Variants in INHBA observed in about 807,000 individuals in gnomAD.
The protein encoded by INHBA is inhibin subunit beta A.
INHBA carries 1 observed loss-of-function variant against 29.0 expected under a neutral mutation model. That is an observed-to-expected ratio of 0.03 (90% CI 0.01 to 0.16). The LOEUF (loss-of-function observed/expected upper bound fraction) is 0.16. Ranked by LOEUF, INHBA falls within the 10% of genes least tolerant of loss-of-function variation. The pLI is 1.00. For missense variants in INHBA, 376 were observed against 545.4 expected (o/e 0.69, Z 3.09); for synonymous variants, 242 against 216.8 (o/e 1.12, Z -1.02).
chr7:41,695,754 A>T (rs1794633296), intron 2 of INHBA, among the ~76,000 whole-genome samples: 1 of 152,174 alleles, frequency 6.6e-6, no homozygotes, highest in Non-Finnish European at 1.5e-5. Flanking sequence ...TTAACCCACA[A>T]AATTTCAGAG....
In INHBA at chr7:41,700,463, T is replaced by A; in HGVS notation, c.-89A>T. On this transcript the variant is annotated 5_prime_UTR_variant, in exon 2 of 3. Transcript: ENST00000242208. ...CGCAGGTTTTTTTGTGTGTGTGGAT[T>A]TTTTTATTTTTTTTTTTGGTGTTTT... 8.1e-7 allele frequency: 1 copy of A among 1,237,576 alleles called. No homozygotes were observed. Among genetic ancestry groups the A allele is most frequent in the South Asian group, 2.3e-5 (1 of 43,882 alleles). The allele number at this position is 1,237,576 out of a possible 1,614,324, so 76.7% of individuals were successfully genotyped here. A position where few individuals can be genotyped will look rare whatever the true frequency, so the allele number is the denominator to read the frequency against.
rs778816816 is a variant in INHBA at position 41,690,225 on chromosome 7, T to C, written c.706A>G (p.Ser236Gly). Residue 236 changes from serine to glycine, a missense_variant, in exon 3 of 3, where the codon AGC (serine) becomes GGC (glycine). Coordinates refer to ENST00000242208, the MANE Select transcript of INHBA (RefSeq NM_002192.4). ...CAGGCAATCCGAACGTCCAGGGAGC[T>C]CTTGCCCTGGTCCAGCAACCGCTGG... ...SIQRLLDQGK[S>G]SLDVRIACEQ... The C allele has an allele frequency of 2.5e-6, 4 of 1,613,916 alleles. No homozygotes were observed. In the South Asian group the frequency reaches 4.4e-5, roughly 18 times the overall value.
chr7:41,701,535 A>G (rs941356805), intron 1 of INHBA, among the ~76,000 whole-genome samples: 1 of 152,162 alleles, frequency 6.6e-6, no homozygotes, highest in Non-Finnish European at 1.5e-5. Context: ...GAAGGACCAG[A>G]GGGCAGGCAG....
chr7:41,700,317 T>C lies in INHBA; in HGVS notation c.58A>G (p.Ser20Gly). ...LLASCWIIVR[S>G]SPTPGSEGHS... ...CCCTCGGATCCTGGGGTGGGGGAAC[T>C]CCTCACTATAATCCAGCAACTTGCC... The change falls in exon 2 of 3, where the codon AGT becomes GGT. Residue 20 changes from serine (S) to glycine (G), a missense_variant. Ser to Gly is a moderately conservative substitution (Grantham distance 56, BLOSUM62 0). Transcript: ENST00000242208. The C allele has an allele frequency of 3.2e-6, 5 of 1,553,262 alleles. No individual in the cohort carries two copies. The highest frequency in any genetic ancestry group is 4.3e-6 in the Non-Finnish European group (5 of 1,149,770).
chr7:41,700,231 G>A lies in INHBA; in HGVS notation c.144C>T (p.Pro48=), dbSNP rs1274953889. 4 of 1,613,522 alleles carry A rather than the reference G, an allele frequency of 2.5e-6. No individual in the cohort carries two copies. Among genetic ancestry groups the A allele is most frequent in the Non-Finnish European group, 3.4e-6 (4 of 1,179,632 alleles). ...CALAALPKDV[P]NSQPEMVEAV... ...CCTCCACCATCTCTGGCTGAGAGTT[G>A]GGTACATCCTTTGGGAGGGCGGCCA... Residue 48 remains proline, a synonymous_variant, in exon 2 of 3, where the codon CCC becomes CCT. Transcript: ENST00000242208.
rs771243597 is a variant in INHBA, at chr7:41,689,944, A to G, written c.987T>C (p.Ser329=). ...AGTCATTCCAGCCGATGTCCTTGAA[A>G]CTGACAAAGAACTGTTTCTTACAGC... ...NICCKKQFFV[S]FKDIGWNDWI... Residue 329 remains serine, a synonymous_variant, in exon 3 of 3, where the codon AGT becomes AGC. Transcript: ENST00000242208. 4.3e-6 allele frequency: 7 copies of G among 1,614,014 alleles called. No individual in the cohort carries two copies. Among genetic ancestry groups the G allele is most frequent in the Non-Finnish European group, 5.9e-6 (7 of 1,180,026 alleles).
At chr7:41,692,639 C>T (rs1019491586) in intron 2 of INHBA, 2 of 152,234 alleles carry the variant, frequency 1.3e-5, no homozygotes, top group South Asian at 2.1e-4. Context: ...CCTCTGACTC[C>T]GACCTCATGT....
intron 2 of INHBA, among the ~76,000 whole-genome samples, chr7:41,693,360 G>A (rs1337110418): frequency 6.6e-6 from 1 of 152,204 alleles, no homozygotes; most frequent in Non-Finnish European, 1.5e-5. Flanking sequence ...GCATGCAGTG[G>A]ACTTTCCATG....
In INHBA at chr7:41,700,459, G is replaced by C; in HGVS notation, c.-85C>G. ...CACGCGCAGGTTTTTTTGTGTGTGTGGATTTTTTTATTTTTTTTTTTGGTG... is the reference window on the plus strand; with the variant it reads ...CACGCGCAGGTTTTTTTGTGTGTGTCGATTTTTTTATTTTTTTTTTTGGTG... On this transcript the variant is annotated 5_prime_UTR_variant, in exon 2 of 3. Transcript: ENST00000242208. 1 of 1,241,846 alleles carries C rather than the reference G, an allele frequency of 8.1e-7. No homozygotes were observed. The highest frequency in any genetic ancestry group is 1.1e-6 in the Non-Finnish European group (1 of 949,850). 76.9% of individuals were successfully genotyped at this position (1,241,846 alleles called of 1,614,324 possible).
At position 41,690,540 on chromosome 7, in the gene INHBA, T is replaced by C. The variant is rs1794479357; in HGVS notation, c.391A>G (p.Thr131Ala). 6.3e-7 allele frequency: 1 copy of C among 1,590,510 alleles called. No homozygotes were observed. The highest frequency in any genetic ancestry group is 1.4e-5 in the African/African-American group (1 of 74,036). ...TCGAAGTGCAGCGTCTTCCTGGCTG[T>C]TCCTGAAGATGAAAGACAGCATAAG... is the stretch of plus-strand genomic sequence containing the variant. ...SEIITFAESG[T>A]ARKTLHFEIS... The change falls in exon 3 of 3, where the codon ACA (threonine) becomes GCA (alanine). Residue 131 changes from threonine to alanine, a missense_variant and splice_region_variant. This residue lies in a region of INHBA where 253 missense variants were observed against 313.4 expected (regional missense o/e 0.81). Transcript: ENST00000242208.
At position 41,687,396 on chromosome 7, in the gene INHBA, T is replaced by C. The variant is rs1794411324; in HGVS notation, c.*2254A>G. Reference sequence around the variant, plus strand: ...AAACTTTTTTCCATTTTTCAAAATGTTTGCCAACTTCACACAAGTGTGTAA... The same window carrying C: ...AAACTTTTTTCCATTTTTCAAAATGCTTGCCAACTTCACACAAGTGTGTAA... On this transcript the variant is annotated 3_prime_UTR_variant, in exon 3 of 3. Transcript: ENST00000242208. 1 of 152,188 alleles carries C rather than the reference T, an allele frequency of 6.6e-6. No homozygotes were observed. The highest frequency in any genetic ancestry group is 1.5e-5 in the Non-Finnish European group (1 of 68,028). The allele number at this position is 152,188 out of a possible 1,614,324, so 9.4% of individuals were successfully genotyped here. A position where few individuals can be genotyped will look rare whatever the true frequency, so the allele number is the denominator to read the frequency against.
In INHBA at chr7:41,688,606, A is replaced by T. The variant is rs1416493406; in HGVS notation, c.*1044T>A. The stretch of plus-strand genomic sequence containing the variant: ...CTGTAGCAGTTCTTTTATAGCTCAC[A>T]TTAAGTGCAGCTCTTAAACCCCACC... On this transcript the variant is annotated 3_prime_UTR_variant, in exon 3 of 3. Transcript: ENST00000242208. 1 of 151,662 alleles carries T rather than the reference A, an allele frequency of 6.6e-6. No individual in the cohort carries two copies. The highest frequency in any genetic ancestry group is 1.5e-5 in the Non-Finnish European group (1 of 67,918). The allele number at this position is 151,662 out of a possible 1,614,324, so 9.4% of individuals were successfully genotyped here.
At chr7:41,692,435 C>A (rs1794544235) in intron 2 of INHBA, 1 of 152,202 alleles carries the variant, frequency 6.6e-6, no homozygotes, top group African/African-American at 2.4e-5. Context: ...AGAAGGCAGG[C>A]TTTTCTGTGC....
intron 2 of INHBA, among the ~76,000 whole-genome samples, chr7:41,697,656 C>A (rs1426299464): frequency 6.6e-6 from 1 of 152,170 alleles, no homozygotes; most frequent in East Asian, 1.9e-4. Context: ...AAATGCATTC[C>A]TTTTTCTATT....
chr7:41,698,668 G>T (rs1234366076), intron 2 of INHBA, among the ~76,000 whole-genome samples: 1 of 152,200 alleles, frequency 6.6e-6, no homozygotes, highest in Non-Finnish European at 1.5e-5. Flanking sequence ...GCCAAACTGG[G>T]AAGCTTGTAG....
At chr7:41,699,091 C>T (rs1408229274) in intron 2 of INHBA, among the ~76,000 whole-genome samples, 1 of 152,116 alleles carries the variant, frequency 6.6e-6, no homozygotes, top group African/African-American at 2.4e-5. Context: ...GTCCATGGGC[C>T]CATACTTTTG....
Position 41,690,422 on chromosome 7 carries a change from T to TTGGTCC in INHBA, c.503_508dup (p.Arg168_Thr169dup). On this transcript the variant is annotated inframe_insertion, in exon 3 of 3. Transcript: ENST00000242208. ...CTGCTGGAAGAGGCGGATGGTGACTTTGGTCCTGGTCCTGTTGGCCTTGGG... is the reference window on the plus strand; with the variant it reads ...CTGCTGGAAGAGGCGGATGGTGACTTTGGTCCTGGTCCTGGTCCTGTTGGCCTTGGG... 1 of 1,614,098 alleles carries TTGGTCC rather than the reference T, an allele frequency of 6.2e-7. No individual in the cohort carries two copies. The highest frequency in any genetic ancestry group is 1.3e-5 in the African/African-American group (1 of 75,036).
chr7:41,687,136 G>A lies in INHBA; in HGVS notation c.*2514C>T, dbSNP rs561242375. ...TCTGCATAAGAAAGGGCTGCCTCTAGAACACAGTAAGTGTATTTGCCCAGT... is the reference window on the plus strand; with the variant it reads ...TCTGCATAAGAAAGGGCTGCCTCTAAAACACAGTAAGTGTATTTGCCCAGT... On this transcript the variant is annotated 3_prime_UTR_variant, in exon 3 of 3. Transcript: ENST00000242208. The A allele has an allele frequency of 6.6e-6, 1 of 152,308 alleles. No homozygotes were observed. The highest frequency in any genetic ancestry group is 2.4e-5 in the African/African-American group (1 of 41,580). The allele number at this position is 152,308 out of a possible 1,614,324, so 9.4% of individuals were successfully genotyped here. A position where few individuals can be genotyped will look rare whatever the true frequency, so the allele number is the denominator to read the frequency against.
chr7:41,702,507 T>A (rs1583602441), intron 1 of INHBA, among the ~76,000 whole-genome samples: 1 of 152,206 alleles, frequency 6.6e-6, no homozygotes, highest in Non-Finnish European at 1.5e-5. Flanking sequence ...TGTGTTACAA[T>A]GGTTTTATAA....
Sources: allele counts gnomAD v4.1 joint callset (sites outside exome capture counted in the v4.1 genomes callset), GRCh38; gene constraint gnomAD v4.1.1; regional missense constraint gnomAD v4.1.1; transcripts MANE v1.5; gene names NCBI Gene and HGNC (gene_info 2026-07-23, HGNC 2026-07-21).